The following IL1RAPL2 variants were observed in gnomAD, a reference collection of about 807,000 sequenced individuals.
IL1RAPL2 encodes interleukin 1 receptor accessory protein like 2.
Under a neutral mutation model 44.1 loss-of-function variants are expected in IL1RAPL2, and 3 were observed. The observed-to-expected ratio is 0.07, with a 90% CI of 0.03 to 0.18. IL1RAPL2 has a LOEUF of 0.18. Among genes scored for constraint, IL1RAPL2 ranks in the 10% least tolerant of loss-of-function variants. The pLI is 1.00. For missense variants in IL1RAPL2, 391 were observed against 496.4 expected (o/e 0.79, Z 2.02); for synonymous variants, 181 against 178.8 (o/e 1.01, Z -0.10).
At chrX:105,241,939 T>C (rs968811402) in intron 4 of IL1RAPL2, among the ~76,000 whole-genome samples, 2 of 112,360 alleles carry the variant, frequency 1.8e-5, no homozygotes, top group Non-Finnish European at 3.8e-5. Flanking sequence ...GTAAAACTCT[T>C]TCTTCAGTAG....
intron 6 of IL1RAPL2, among the ~76,000 whole-genome samples, chrX:105,707,714 C>T (rs1460362615): frequency 8.9e-6 from 1 of 111,943 alleles, no homozygotes; most frequent in Non-Finnish European, 1.9e-5. Flanking sequence ...ATACCTTACT[C>T]CCTGGGTTTC....
chrX:105,070,648 T>G (rs909557139), intron 2 of IL1RAPL2, among the ~76,000 whole-genome samples: 5 of 110,144 alleles, frequency 4.5e-5, no homozygotes, highest in Non-Finnish European at 9.5e-5. Flanking sequence ...GAGCCGAGAT[T>G]GTGCCACTGC....
chrX:105,423,559 A>G (rs2035787368), intron 5 of IL1RAPL2, among the ~76,000 whole-genome samples: 1 of 111,425 alleles, frequency 9.0e-6, no homozygotes, highest in South Asian at 3.7e-4. Context: ...GTCAAATCTG[A>G]TGGGAGAAAG....
At chrX:104,586,779 A>T (rs1928571420) in intron 1 of IL1RAPL2, among the ~76,000 whole-genome samples, 1 of 112,138 alleles carries the variant, frequency 8.9e-6, no homozygotes, top group Non-Finnish European at 1.9e-5. Flanking sequence ...CTGTGGAAAA[A>T]ATCTGGAGTC....
At chrX:104,966,979 A>C (rs931402620) in intron 2 of IL1RAPL2, among the ~76,000 whole-genome samples, 8 of 112,778 alleles carry the variant, frequency 7.1e-5, no homozygotes, top group African/African-American at 2.2e-4. Context: ...CTCACATGCC[A>C]AAAACAGGCA....
intron 1 of IL1RAPL2, among the ~76,000 whole-genome samples, chrX:104,614,166 A>T (rs1463348088): frequency 9.0e-6 from 1 of 110,876 alleles, no homozygotes; most frequent in East Asian, 2.8e-4. Flanking sequence ...TTGATTCTTC[A>T]TATGGATTTT....
At chrX:104,698,130 T>A (rs1417653902) in intron 2 of IL1RAPL2, among the ~76,000 whole-genome samples, 1 of 112,645 alleles carries the variant, frequency 8.9e-6, no homozygotes, top group East Asian at 2.8e-4. Flanking sequence ...ATGGGGCCCT[T>A]TCCATAGGGC....
At chrX:105,315,578 G>GTATGTATATATATATATATATATATATA (rs2034831508) in intron 5 of IL1RAPL2, among the ~76,000 whole-genome samples, 4 of 21,820 alleles carry the variant, frequency 1.8e-4, no homozygotes, top group Non-Finnish European at 6.6e-4. Context: ...ACTAATGGAT[G>GTATGTATATATATATATATATATATATA]TATATATATA....
intron 6 of IL1RAPL2, among the ~76,000 whole-genome samples, chrX:105,680,249 T>C (rs1206302253): frequency 8.9e-6 from 1 of 111,964 alleles, no homozygotes; most frequent in Non-Finnish European, 1.9e-5. Flanking sequence ...TCCGCCCGCC[T>C]CGTCCTCCCA....
At chrX:105,207,230 TA>T (rs1327886884) in intron 3 of IL1RAPL2, among the ~76,000 whole-genome samples, 28 of 108,672 alleles carry the variant, frequency 2.6e-4, no homozygotes, top group Admixed American at 3.9e-4. Context: ...CAGAGGGTAC[TA>T]AAAAAAAAGC....
At chrX:104,958,329 A>G (rs181420289) in intron 2 of IL1RAPL2, among the ~76,000 whole-genome samples, 2 of 108,282 alleles carry the variant, frequency 1.8e-5, no homozygotes, top group African/African-American at 3.4e-5. Context: ...GGCCCCAGGT[A>G]TCCAGAGTGT....
At chrX:104,705,897 T>G (rs1478246912) in intron 2 of IL1RAPL2, among the ~76,000 whole-genome samples, 3 of 111,666 alleles carry the variant, frequency 2.7e-5, no homozygotes, top group Non-Finnish European at 5.6e-5. Flanking sequence ...TGTTTTTCGT[T>G]TCTAGCACCT....
At chrX:105,114,300 C>T (rs1385813852) in intron 2 of IL1RAPL2, among the ~76,000 whole-genome samples, 2 of 112,020 alleles carry the variant, frequency 1.8e-5, no homozygotes, top group Non-Finnish European at 3.8e-5. Context: ...GACTTCCCAA[C>T]CTGCCGAACT....
At chrX:104,674,338 C>G (rs1176998336) in intron 2 of IL1RAPL2, among the ~76,000 whole-genome samples, 3 of 111,879 alleles carry the variant, frequency 2.7e-5, no homozygotes, top group African/African-American at 9.8e-5. Context: ...AAGGCTTTTT[C>G]TGCATCTATT....
intron 7 of IL1RAPL2, among the ~76,000 whole-genome samples, chrX:105,738,717 C>T (rs1222118140): frequency 4.5e-5 from 5 of 110,827 alleles, no homozygotes; most frequent in African/African-American, 6.6e-5. Flanking sequence ...GGTAGCTGGT[C>T]GTTGTTGACA....
chrX:105,390,571 G>A (rs919432155), intron 5 of IL1RAPL2, among the ~76,000 whole-genome samples: 2 of 110,744 alleles, frequency 1.8e-5, no homozygotes, highest in East Asian at 5.7e-4. Context: ...TTAGTTAAGA[G>A]TTAACTATAT....
intron 2 of IL1RAPL2, among the ~76,000 whole-genome samples, chrX:104,834,510 G>A (rs781435817): frequency 3.0e-4 from 33 of 111,789 alleles, no homozygotes; most frequent in African/African-American, 8.8e-4. Flanking sequence ...CCAAAACTGT[G>A]TGGGAAAGAC....
chrX:105,650,893 G>A lies in IL1RAPL2; in HGVS notation c.773-66474G>A, dbSNP rs769348227. Among the ~76,000 whole-genome samples, 7 of 112,130 alleles carry A rather than the reference G, an allele frequency of 6.2e-5. No homozygotes were observed. The South Asian group carries it at 1.9e-3, about 30-fold the overall frequency. ...GAAAAAAAGGTTGATTTTTGTCCAC[G>A]TCAGAAATAATTCTTCTGCACAGTT... On this transcript the variant is annotated intron_variant, in intron 6 of 10. Coordinates refer to ENST00000372582, the MANE Select transcript of IL1RAPL2 (RefSeq NM_017416.2).
chrX:105,524,209 G>C (rs1262484999), intron 6 of IL1RAPL2, among the ~76,000 whole-genome samples: 1 of 111,473 alleles, frequency 9.0e-6, no homozygotes. Flanking sequence ...TTCATGGTAT[G>C]TTACCATAAC....
Sources: gnomAD v4.1 joint callset for allele counts (sites outside exome capture counted in the v4.1 genomes callset) on GRCh38, gnomAD v4.1.1 for gene constraint, MANE v1.5 for transcripts, NCBI Gene and HGNC (gene_info 2026-07-23, HGNC 2026-07-21) for gene names.